POGZ: variants seen among roughly 807,000 people sequenced by gnomAD.
POGZ encodes the protein pogo transposable element with ZNF domain.
Under a neutral mutation model 134.6 loss-of-function variants are expected in POGZ, and 17 were observed. The observed-to-expected ratio is 0.13, with a 90% CI of 0.09 to 0.19. The LOEUF is 0.19. Among genes scored for constraint, POGZ ranks in the 10% least tolerant of loss-of-function variants. The probability of loss-of-function intolerance (pLI) is 1.00; values close to 1 mark genes in which losing one functional copy is unlikely to be tolerated. For missense variants in POGZ, 1,306 were observed against 1,769.7 expected, an observed-to-expected ratio of 0.74 and a Z score of 4.70; for synonymous variants, 693 against 657.1, an observed-to-expected ratio of 1.05 and a Z score of -0.84.
intron 7 of POGZ, chr1:151,426,352 A>G (rs544702677): frequency 2.0e-5 from 3 of 152,070 alleles, no homozygotes; most frequent in Admixed American, 1.3e-4. Context: ...ACGCCTGGCT[A>G]ATTTTTGTAT....
Position 151,404,545 on chromosome 1 carries a change from AG to A in POGZ, c.*256del. 2 of 1,149,110 alleles carry A rather than the reference AG, an allele frequency of 1.7e-6. No homozygotes were observed. Among genetic ancestry groups the A allele is most frequent in the Admixed American group, 4.4e-5 (1 of 22,828 alleles). The allele number at this position is 1,149,110 out of a possible 1,614,324, so 71.2% of individuals were successfully genotyped here. A position where few individuals can be genotyped will look rare whatever the true frequency, so the allele number is the denominator to read the frequency against. ...GTGATTTAAATTTAAAAAAAAAAAA[AG>A]TCACAAAAACCTGTTTTTAGCAGAA... On this transcript the variant is annotated 3_prime_UTR_variant, in exon 19 of 19. Coordinates refer to ENST00000271715, the MANE Select transcript of POGZ (RefSeq NM_015100.4).
chr1:151,442,401 G>A, intron 1 of POGZ, 196 bp from the exon 2 acceptor site: 1 of 417,146 alleles, frequency 2.4e-6, no homozygotes, highest in South Asian at 5.2e-5. Flanking sequence ...CCATTCCACA[G>A]CAAATTATTT....
At position 151,405,365 on chromosome 1, in the gene POGZ, C is replaced by T. The variant is rs746064166; in HGVS notation, c.3670G>A (p.Gly1224Ser). The change falls in exon 19 of 19, where the codon GGC becomes AGC. Residue 1224 changes from glycine to serine, a missense_variant. By Grantham distance (56) the Gly-to-Ser change is moderately conservative. This residue lies in a region of POGZ where 161 missense variants were observed against 185.4 expected (regional missense o/e 0.87). Coordinates refer to ENST00000271715, the MANE Select transcript of POGZ (RefSeq NM_015100.4). The surrounding 1 kb of genome is among the most constrained non-coding windows in gnomAD (Gnocchi z 4.9). ...QKHTACQRSKGMLVMDCHRTH... is the reference protein window; with the variant it reads ...QKHTACQRSKSMLVMDCHRTH... ...CGATGACAGTCCATCACAAGCATGC[C>T]TTTGCTGCGCTGGCAAGCTGTGTGC... The T allele has an allele frequency of 6.2e-7, 1 of 1,614,054 alleles. No individual in the cohort carries two copies. Among genetic ancestry groups the T allele is most frequent in the South Asian group, 1.1e-5 (1 of 91,066 alleles).
intron 1 of POGZ, 180 bp from the exon 2 acceptor site, chr1:151,442,385 T>C: frequency 4.4e-6 from 2 of 455,242 alleles, no homozygotes; most frequent in Admixed American, 4.0e-5. Context: ...TATTGAATAT[T>C]AGAATCCATT....
chr1:151,404,603 A>G lies in POGZ; in HGVS notation c.*199T>C. 1 of 1,316,852 alleles carries G rather than the reference A, an allele frequency of 7.6e-7. No individual in the cohort carries two copies. Among genetic ancestry groups the G allele is most frequent in the Middle Eastern group, 2.9e-4 (1 of 3,490 alleles). 81.6% of individuals were successfully genotyped at this position (1,316,852 alleles called of 1,614,324 possible). A position where few individuals can be genotyped will look rare whatever the true frequency, so the allele number is the denominator to read the frequency against. On this transcript the variant is annotated 3_prime_UTR_variant, in exon 19 of 19. Coordinates refer to ENST00000271715, the MANE Select transcript of POGZ (RefSeq NM_015100.4). ...GACCAATGGGCCAGCTCCTTGGCTC[A>G]GACGTGATTACTATTGGTTTTCCTA...
At chr1:151,439,402 G>A (rs575926814) in intron 3 of POGZ, among the ~76,000 whole-genome samples, 2 of 152,022 alleles carry the variant, frequency 1.3e-5, no homozygotes, top group African/African-American at 4.8e-5. Flanking sequence ...AAATCATGGA[G>A]GTTTTAAAGT....
chr1:151,423,938 T>TA lies in POGZ; in HGVS notation c.1523+10dup. ...TGTTCAAGGTAACTTCCAAGGCTCTTAAACACTTACCGAATATTGTTTTTT... is the reference window on the plus strand; with the variant it reads ...TGTTCAAGGTAACTTCCAAGGCTCTTAAAACACTTACCGAATATTGTTTTTT... On this transcript the variant is annotated intron_variant, in intron 9 of 18. Coordinates refer to ENST00000271715, the MANE Select transcript of POGZ (RefSeq NM_015100.4). 1.2e-6 allele frequency: 2 copies of TA among 1,603,108 alleles called. No homozygotes were observed. The highest frequency in any genetic ancestry group is 8.5e-7 in the Non-Finnish European group (1 of 1,171,216).
chr1:151,459,373 CGGGGGGGCCCCGAGGGA>C lies in POGZ; in HGVS notation c.-240_-224del, dbSNP rs1663238430. On this transcript the variant is annotated 5_prime_UTR_variant, in exon 1 of 19. Transcript: ENST00000271715. Reference sequence around the variant, plus strand: ...GGGTGGATTTTTTTCCCGAGGGGGGCGGGGGGGCCCCGAGGGAGGGGGGTGGGGGGGCCAAGGAATGC... The same window carrying C: ...GGGTGGATTTTTTTCCCGAGGGGGGCGGGGGGTGGGGGGGCCAAGGAATGC... The C allele has an allele frequency of 2.0e-5, 1 of 49,304 alleles. No individual in the cohort carries two copies. The highest frequency in any genetic ancestry group is 2.8e-4 in the East Asian group (1 of 3,620). The allele number at this position is 49,304 out of a possible 1,614,324, so 3.1% of individuals were successfully genotyped here.
At chr1:151,452,088 A>C (rs1360849873) in intron 1 of POGZ, among the ~76,000 whole-genome samples, 1 of 125,354 alleles carries the variant, frequency 8.0e-6, no homozygotes. Flanking sequence ...CAAGAGCAAG[A>C]CTCCGTCTCA....
At position 151,405,100 on chromosome 1, in the gene POGZ, A is replaced by G. The variant is rs1345834899; in HGVS notation, c.3935T>C (p.Ile1312Thr). ...LVWLGEVLGVIGDCPELVQRS... is the reference protein window; with the variant it reads ...LVWLGEVLGVTGDCPELVQRS... ...CTGAACTAGCTCTGGACAGTCCCCA[A>G]TGACACCTAGCACTTCACCCAGCCA... is the stretch of plus-strand genomic sequence containing the variant. The change falls in exon 19 of 19, where the codon ATT becomes ACT. Residue 1312 changes from isoleucine to threonine, a missense_variant. Transcript: ENST00000271715. This position sits in a 1 kb window ranked among gnomAD's most constrained non-coding sequence, Gnocchi z 4.9. The G allele has an allele frequency of 1.2e-6, 2 of 1,614,204 alleles. No homozygotes were observed. Among genetic ancestry groups the G allele is most frequent in the Non-Finnish European group, 8.5e-7 (1 of 1,180,028 alleles).
intron 1 of POGZ, among the ~76,000 whole-genome samples, chr1:151,458,763 A>G (rs921291283): frequency 0.01 from 1,467 of 143,948 alleles, 28 homozygotes; most frequent in African/African-American, 0.035. Context: ...CCTCGCGCCG[A>G]GCGTGCGTGT....
chr1:151,453,298 A>C (rs1056379261), intron 1 of POGZ, among the ~76,000 whole-genome samples: 1 of 151,928 alleles, frequency 6.6e-6, no homozygotes, highest in African/African-American at 2.4e-5. Flanking sequence ...CTACCTACTC[A>C]TATCTTAGCT....
In POGZ at chr1:151,459,428, G is replaced by C. The variant is rs1437942981; in HGVS notation, c.-278C>G. The C allele has an allele frequency of 6.6e-6, 1 of 151,980 alleles. No individual in the cohort carries two copies. Among genetic ancestry groups the C allele is most frequent in the Non-Finnish European group, 1.5e-5 (1 of 67,980 alleles). 9.4% of individuals were successfully genotyped at this position (151,980 alleles called of 1,614,324 possible). On this transcript the variant is annotated 5_prime_UTR_variant, in exon 1 of 19. Transcript: ENST00000271715. Reference sequence around the variant, plus strand: ...GGCCAAGGAATGCGGCTCCGTGTACGGGAGCTGGCGCGGGGGAGAGAGACG... The same window carrying C: ...GGCCAAGGAATGCGGCTCCGTGTACCGGAGCTGGCGCGGGGGAGAGAGACG...
chr1:151,458,429 G>A (rs1220134974), intron 1 of POGZ, among the ~76,000 whole-genome samples: 5 of 152,064 alleles, frequency 3.3e-5, no homozygotes, highest in African/African-American at 1.2e-4. Context: ...TAAACTAGCT[G>A]CAGTGCACTA....
rs1203874157 is a variant in POGZ at position 151,403,782 on chromosome 1, C to T, written c.*1020G>A. 1 of 985,458 alleles carries T rather than the reference C, an allele frequency of 1.0e-6. No individual in the cohort carries two copies. The highest frequency in any genetic ancestry group is 1.7e-5 in the African/African-American group (1 of 57,240). The allele number at this position is 985,458 out of a possible 1,614,324, so 61.0% of individuals were successfully genotyped here. ...TTCAACACTTCTTGAACAATTAGCT[C>T]CTGGCTGTAGGACCAGTAATCCCTT... is the stretch of plus-strand genomic sequence containing the variant. On this transcript the variant is annotated 3_prime_UTR_variant, in exon 19 of 19. Transcript: ENST00000271715.
In POGZ at chr1:151,432,998, T is replaced by C. The variant is rs112102187; in HGVS notation, c.284-2157A>G. ...TTTTGAAATTTATGGTTGAAAAATATTGACTAAGCAAAAGTCTATATTTTT... is the reference window on the plus strand; with the variant it reads ...TTTTGAAATTTATGGTTGAAAAATACTGACTAAGCAAAAGTCTATATTTTT... On this transcript the variant is annotated intron_variant, in intron 3 of 18. Transcript: ENST00000271715. 5.0e-3 allele frequency among the ~76,000 whole-genome samples: 762 copies of C among 152,340 alleles called. 7 individuals are homozygous for C. Among genetic ancestry groups the C allele is most frequent in the African/African-American group, 0.017 (725 of 41,576 alleles).
At position 151,404,678 on chromosome 1, in the gene POGZ, G is replaced by A; in HGVS notation, c.*124C>T. On this transcript the variant is annotated 3_prime_UTR_variant, in exon 19 of 19. Transcript: ENST00000271715. Reference sequence around the variant, plus strand: ...GTGTAAGTCAACTTCAGGGGGGAGTGGTGGTATAAAATTAAAAAATAGAAA... The same window carrying A: ...GTGTAAGTCAACTTCAGGGGGGAGTAGTGGTATAAAATTAAAAAATAGAAA... 7.0e-7 allele frequency: 1 copy of A among 1,419,702 alleles called. No individual in the cohort carries two copies. Among genetic ancestry groups the A allele is most frequent in the Non-Finnish European group, 9.2e-7 (1 of 1,090,490 alleles). 87.9% of individuals were successfully genotyped at this position (1,419,702 alleles called of 1,614,324 possible). A position where few individuals can be genotyped will look rare whatever the true frequency, so the allele number is the denominator to read the frequency against.
At chr1:151,415,957 T>TA (rs1655569155) in intron 10 of POGZ, among the ~76,000 whole-genome samples, 1 of 152,026 alleles carries the variant, frequency 6.6e-6, no homozygotes, top group African/African-American at 2.4e-5. Context: ...CTCACGCCTG[T>TA]AATCTCAGAG....
At position 151,405,372 on chromosome 1, in the gene POGZ, G is replaced by A; in HGVS notation, c.3663C>T (p.Arg1221=). The A allele has an allele frequency of 6.2e-7, 1 of 1,614,074 alleles. No homozygotes were observed. The highest frequency in any genetic ancestry group is 8.5e-7 in the Non-Finnish European group (1 of 1,179,932). The stretch of plus-strand genomic sequence containing the variant: ...AGTCCATCACAAGCATGCCTTTGCT[G>A]CGCTGGCAAGCTGTGTGCTTCTGCC... The part of the protein sequence containing the change: ...RVWQKHTACQ[R]SKGMLVMDCH... The change falls in exon 19 of 19, where the codon CGC becomes CGT. Residue 1221 remains arginine (R), a synonymous_variant. Transcript: ENST00000271715. This position sits in a 1 kb window ranked among gnomAD's most constrained non-coding sequence, Gnocchi z 4.9.
Sources: allele counts gnomAD v4.1 joint callset (sites outside exome capture counted in the v4.1 genomes callset), GRCh38; gene constraint gnomAD v4.1.1; regional missense constraint gnomAD v4.1.1; non-coding constraint Gnocchi (gnomAD v3.1); transcripts MANE v1.5; gene names NCBI Gene and HGNC (gene_info 2026-07-23, HGNC 2026-07-21).